The following ZNF385D variants were observed in gnomAD, a reference collection of about 807,000 sequenced individuals.
ZNF385D encodes zinc finger protein 659.
Under a neutral mutation model 35.8 loss-of-function variants are expected in ZNF385D, and 15 were observed. That is an observed-to-expected ratio of 0.42 (90% CI 0.28 to 0.64). ZNF385D has a LOEUF of 0.64. Ranked by LOEUF, ZNF385D falls within the 30% of genes least tolerant of loss-of-function variation. The pLI, the probability that ZNF385D is intolerant of heterozygous loss-of-function variation, is 0.23. For synonymous variants in ZNF385D, 212 were observed against 186.8 expected (o/e 1.13, Z -1.10); for missense variants, 474 against 494.6 (o/e 0.96, Z 0.39).
chr3:21,647,936 T>C (rs2065802310), intron 2 of ZNF385D, among the ~76,000 whole-genome samples: 1 of 152,194 alleles, frequency 6.6e-6, no homozygotes, highest in Non-Finnish European at 1.5e-5. Flanking sequence ...CTTAAGATGC[T>C]TTATTAAAAT....
exon 2 of ZNF385D, chr3:22,372,551 G>T: frequency 1.0e-6 from 1 of 985,840 alleles, no homozygotes; most frequent in Non-Finnish European, 1.2e-6. Flanking sequence ...CCCTGGCCCT[G>T]GCATCCGGGA....
At chr3:21,753,162 T>A (rs781354346), upstream of ZNF385D, among the ~76,000 whole-genome samples, 11 of 152,204 alleles carry the variant, frequency 7.2e-5, no homozygotes, top group Non-Finnish European at 1.3e-4. Context: ...AATTGAGATA[T>A]AGAAAGGTGG....
intron 2 of ZNF385D, among the ~76,000 whole-genome samples, chr3:22,284,856 G>A (rs139145661): frequency 2.1e-3 from 319 of 152,244 alleles, no homozygotes; most frequent in Non-Finnish European, 3.9e-3. Flanking sequence ...TTCTGAGGAA[G>A]TCTATTTTGA....
At chr3:21,506,647 A>T (rs1706795305) in intron 4 of ZNF385D, among the ~76,000 whole-genome samples, 1 of 152,224 alleles carries the variant, frequency 6.6e-6, no homozygotes, top group Non-Finnish European at 1.5e-5. Context: ...AACACTTGCT[A>T]GATTAGACAA....
rs1221251832 is a variant in ZNF385D, at chr3:21,983,164, ATTATT to A, written c.325+185648_325+185652del. Among the ~76,000 whole-genome samples the A allele has an allele frequency of 5.6e-4, 35 of 62,462 alleles. No individual in the cohort carries two copies. The East Asian group carries it at 8.2e-3, about 15-fold the overall frequency. 41.0% of individuals were successfully genotyped at this position (62,462 alleles called of 152,430 possible). A position where few individuals can be genotyped will look rare whatever the true frequency, so the allele number is the denominator to read the frequency against. ...TTTTTATTTTATTTTATTTTATTTT[ATTATT>A]TTTTTTTATTATACTTTAAGTTTTA... On this transcript the variant is annotated intron_variant, in intron 3 of 5. Transcript: ENST00000494108.
At chr3:21,474,083 G>A (rs1704077481) in intron 4 of ZNF385D, among the ~76,000 whole-genome samples, 1 of 149,920 alleles carries the variant, frequency 6.7e-6, no homozygotes, top group Admixed American at 6.7e-5. Flanking sequence ...ACTGAGCACT[G>A]TATACCTAGT....
intron 2 of ZNF385D, among the ~76,000 whole-genome samples, chr3:22,339,125 C>T (rs899080849): frequency 6.6e-6 from 1 of 152,162 alleles, no homozygotes; most frequent in Non-Finnish European, 1.5e-5. Context: ...TGTTTTAAAG[C>T]ATGTGCTCCT....
rs374332618 is a variant in ZNF385D at position 21,718,307 on chromosome 3, G to C, written c.22+32588C>G. Among the ~76,000 whole-genome samples, 13 of 152,306 alleles carry C rather than the reference G, an allele frequency of 8.5e-5. No individual in the cohort carries two copies. The East Asian group carries it at 1.2e-3, about 14-fold the overall frequency. On this transcript the variant is annotated intron_variant, in intron 1 of 7. Coordinates refer to ENST00000281523, the MANE Select transcript of ZNF385D (RefSeq NM_024697.3). ...CTCTGCAATTTGATCCCTTGGGGTT[G>C]ATATGAAGAATGGTTCTTACTCAGT...
At chr3:21,705,030 A>T (rs2067847753) in intron 1 of ZNF385D, among the ~76,000 whole-genome samples, 1 of 152,188 alleles carries the variant, frequency 6.6e-6, no homozygotes, top group East Asian at 1.9e-4. Flanking sequence ...TCAACTCCAG[A>T]CATGTATTAT....
Position 21,794,714 on chromosome 3 carries a change from T to A in ZNF385D, c.326-129686A>T, listed in dbSNP as rs7619445. On this transcript the variant is annotated intron_variant, in intron 3 of 5. Coordinates refer to the ZNF385D transcript ENST00000494108. ...AGTCATCCAGGAGGCGATTACATTT[T>A]AATAATGGTAAATTTTAAAGCTGCT... Among the ~76,000 whole-genome samples, 791 of 152,230 alleles carry A rather than the reference T, an allele frequency of 5.2e-3. 5 individuals are homozygous for A. The highest frequency in any genetic ancestry group is 0.017 in the African/African-American group (709 of 41,532).
chr3:22,193,564 T>A (rs937042244), intron 2 of ZNF385D, among the ~76,000 whole-genome samples: 1 of 152,042 alleles, frequency 6.6e-6, no homozygotes, highest in South Asian at 2.1e-4. Context: ...TTGGTTTGTA[T>A]TGTAACTTCA....
chr3:22,189,423 C>A (rs1050288136), intron 2 of ZNF385D, among the ~76,000 whole-genome samples: 3 of 152,080 alleles, frequency 2.0e-5, no homozygotes, highest in Non-Finnish European at 4.4e-5. Context: ...TCAGTCTATA[C>A]CTTGAGATCT....
intron 3 of ZNF385D, among the ~76,000 whole-genome samples, chr3:21,856,495 G>C (rs1207307142): frequency 5.9e-5 from 9 of 151,968 alleles, no homozygotes; most frequent in South Asian, 2.1e-4. Context: ...TGCAACTCTT[G>C]ATCTTTTCAA....
intron 3 of ZNF385D, among the ~76,000 whole-genome samples, chr3:22,059,752 A>G (rs1436708948): frequency 3.9e-5 from 6 of 152,184 alleles, no homozygotes; most frequent in African/African-American, 1.4e-4. Context: ...CTAACCACCC[A>G]TAATAGATGC....
chr3:21,888,767 A>G (rs1444598565), intron 3 of ZNF385D, among the ~76,000 whole-genome samples: 1 of 152,336 alleles, frequency 6.6e-6, no homozygotes, highest in Admixed American at 6.5e-5. Flanking sequence ...TCAAATTGAT[A>G]ACAAGAAAGA....
intron 3 of ZNF385D, among the ~76,000 whole-genome samples, chr3:21,879,347 A>G (rs926549277): frequency 2.0e-5 from 3 of 151,974 alleles, no homozygotes; most frequent in Non-Finnish European, 4.4e-5. Flanking sequence ...GTTTATTGCC[A>G]TCTCTGGGAT....
At chr3:21,590,254 A>T (rs774289018) in intron 2 of ZNF385D, among the ~76,000 whole-genome samples, 4 of 152,190 alleles carry the variant, frequency 2.6e-5, no homozygotes, top group African/African-American at 4.8e-5. Context: ...GGAGGTTACT[A>T]TGTTTATGTA....
intron 3 of ZNF385D, among the ~76,000 whole-genome samples, chr3:21,806,149 C>G (rs1405436945): frequency 2.0e-5 from 3 of 151,724 alleles, no homozygotes; most frequent in African/African-American, 7.3e-5. Context: ...TTCTTCCTTT[C>G]TCCCCCTCTC....
chr3:22,036,169 T>C (rs927815125), intron 3 of ZNF385D, among the ~76,000 whole-genome samples: 2 of 152,156 alleles, frequency 1.3e-5, no homozygotes, highest in Admixed American at 1.3e-4. Context: ...GTTATATCAA[T>C]TGAGAATCTC....
Sources: gnomAD v4.1 joint callset for allele counts (sites outside exome capture counted in the v4.1 genomes callset) on GRCh38, gnomAD v4.1.1 for gene constraint, MANE v1.5 for transcripts, NCBI Gene and HGNC (gene_info 2026-07-23, HGNC 2026-07-21) for gene names.